MALRD1: variants seen among roughly 807,000 people sequenced by gnomAD.
The protein encoded by MALRD1 is MAM and LDL-receptor class A domain-containing protein 1.
In MALRD1, 247 loss-of-function variants were observed where a neutral mutation model predicts 242.1. That is an observed-to-expected ratio of 1.02 (90% CI 0.92 to 1.13). MALRD1 has a LOEUF of 1.13. Among genes scored for constraint, MALRD1 ranks in the 50% most tolerant of loss-of-function variants. The pLI is 0.00. For missense variants in MALRD1, 2,989 were observed against 2,533.1 expected (o/e 1.18, Z -3.86); for synonymous variants, 995 against 866.6 (o/e 1.15, Z -2.60).
At chr10:19,083,606 T>C (rs1590404664) in intron 2 of MALRD1, among the ~76,000 whole-genome samples, 1 of 151,976 alleles carries the variant, frequency 6.6e-6, no homozygotes, top group Non-Finnish European at 1.5e-5. Flanking sequence ...GGCATTTTAA[T>C]TGTGGTCTTT....
chr10:19,059,512 G>C (rs1269901060), intron 1 of MALRD1, among the ~76,000 whole-genome samples: 1 of 151,802 alleles, frequency 6.6e-6, no homozygotes, highest in South Asian at 2.1e-4. Flanking sequence ...TCAACCTCCC[G>C]AGTAGCTGGG....
chr10:19,661,542 A>G lies in MALRD1; in HGVS notation c.6138-30740A>G, dbSNP rs1294467961. Reference sequence around the variant, plus strand: ...CAGAAAACTGTCACAAGGACAAAAAACCAAACGCTGCATGTTCTCACTCAT... The same window carrying G: ...CAGAAAACTGTCACAAGGACAAAAAGCCAAACGCTGCATGTTCTCACTCAT... On this transcript the variant is annotated intron_variant, in intron 36 of 39. Coordinates refer to ENST00000454679, the MANE Select transcript of MALRD1 (RefSeq NM_001142308.3). 2.0e-5 allele frequency among the ~76,000 whole-genome samples: 3 copies of G among 152,264 alleles called. No homozygotes were observed. The East Asian group carries it at 5.8e-4, about 29-fold the overall frequency.
At chr10:19,715,997 C>T (rs1834368324) in intron 38 of MALRD1, among the ~76,000 whole-genome samples, 3 of 152,146 alleles carry the variant, frequency 2.0e-5, no homozygotes, top group African/African-American at 4.8e-5. Flanking sequence ...CAACAGTAGG[C>T]CCACTTTCCA....
intron 36 of MALRD1, among the ~76,000 whole-genome samples, chr10:19,627,967 A>G (rs1210773529): frequency 1.3e-5 from 2 of 152,138 alleles, no homozygotes; most frequent in African/African-American, 4.8e-5. Context: ...ATTCAAAACA[A>G]AATTATGTAA....
chr10:19,498,362 C>T, intron 30 of MALRD1, 123 bp from the exon 31 acceptor site: 1 of 823,054 alleles, frequency 1.2e-6, no homozygotes, highest in Non-Finnish European at 1.9e-6. Context: ...TGTCTTGATG[C>T]TGTAAGTGTA....
chr10:19,341,424 A>T (rs1462013709), intron 24 of MALRD1, among the ~76,000 whole-genome samples: 1 of 139,500 alleles, frequency 7.2e-6, no homozygotes, highest in Non-Finnish European at 1.5e-5. Context: ...AAAATAAGTA[A>T]AATAACACTA....
chr10:19,267,496 T>G (rs1840018859), intron 19 of MALRD1, among the ~76,000 whole-genome samples: 1 of 152,060 alleles, frequency 6.6e-6, no homozygotes, highest in Non-Finnish European at 1.5e-5. Flanking sequence ...TTAGCCTCAG[T>G]GTCTCACCAG....
At chr10:19,618,529 C>T (rs978405835) in intron 36 of MALRD1, among the ~76,000 whole-genome samples, 1 of 152,044 alleles carries the variant, frequency 6.6e-6, no homozygotes, top group African/African-American at 2.4e-5. Flanking sequence ...GCCATTTTGA[C>T]TGGTGTGAGA....
intron 36 of MALRD1, among the ~76,000 whole-genome samples, chr10:19,675,063 A>G (rs1842082285): frequency 6.6e-6 from 1 of 152,112 alleles, no homozygotes. Context: ...TATCTGCTGC[A>G]TTTCTACTCA....
chr10:19,369,484 A>G (rs1845271924), intron 26 of MALRD1, among the ~76,000 whole-genome samples: 2 of 148,462 alleles, frequency 1.3e-5, no homozygotes, highest in South Asian at 4.2e-4. Flanking sequence ...TATACTCTGG[A>G]TGGAAGTATC....
chr10:19,501,302 G>A (rs61395149), intron 31 of MALRD1, among the ~76,000 whole-genome samples: 14,048 of 152,124 alleles, frequency 0.092, 683 homozygotes, highest in South Asian at 0.11. Context: ...AGCACTTGAG[G>A]CCTCTGCCAA....
rs1485593284 is a variant in MALRD1, at chr10:19,693,428, A to G, written c.6314+874A>G. On this transcript the variant is annotated intron_variant, in intron 38 of 39. Transcript: ENST00000454679. ...AAATCACAAGCATTCTTATACACCA[A>G]TAACAGAAAAACAGAGAGCCAAATC... 2.0e-5 allele frequency among the ~76,000 whole-genome samples: 3 copies of G among 152,186 alleles called. 1 individual carries two copies. The highest frequency in any genetic ancestry group is 4.1e-4 in the South Asian group (2 of 4,830).
intron 33 of MALRD1, among the ~76,000 whole-genome samples, chr10:19,594,846 A>G (rs1199827797): frequency 6.6e-6 from 1 of 152,066 alleles, no homozygotes; most frequent in African/African-American, 2.4e-5. Flanking sequence ...AAGATTGGGC[A>G]TGTGGTGAGA....
At chr10:19,716,222 A>G (rs1834379315) in intron 38 of MALRD1, among the ~76,000 whole-genome samples, 1 of 152,160 alleles carries the variant, frequency 6.6e-6, no homozygotes, top group Non-Finnish European at 1.5e-5. Context: ...TATGGTTTGG[A>G]TCTGTGTCCC....
At chr10:19,343,903 A>T (rs1166078442) in intron 24 of MALRD1, among the ~76,000 whole-genome samples, 1 of 152,006 alleles carries the variant, frequency 6.6e-6, no homozygotes, top group Non-Finnish European at 1.5e-5. Context: ...CTTAATTTGC[A>T]CTTTCCCAAT....
At chr10:19,540,761 A>C (rs1201876955) in intron 32 of MALRD1, among the ~76,000 whole-genome samples, 1 of 152,172 alleles carries the variant, frequency 6.6e-6, no homozygotes, top group Non-Finnish European at 1.5e-5. Flanking sequence ...TTTCAATAGC[A>C]AAAAATATGC....
chr10:19,176,366 C>CCTTTTTTTTTTTTT (rs1484132630), intron 14 of MALRD1, among the ~76,000 whole-genome samples: 4 of 87,294 alleles, frequency 4.6e-5, no homozygotes, highest in African/African-American at 1.7e-4. Context: ...TTTCTGGGTG[C>CCTTTTTTTTTTTTT]TTTTTTTTTT....
At chr10:19,224,600 CT>C (rs1404604671) in intron 18 of MALRD1, among the ~76,000 whole-genome samples, 1 of 152,126 alleles carries the variant, frequency 6.6e-6, no homozygotes, top group Non-Finnish European at 1.5e-5. Flanking sequence ...CTATGATGAG[CT>C]TTTTTTCATA....
intron 14 of MALRD1, among the ~76,000 whole-genome samples, chr10:19,195,435 C>CTTTAAATCA (rs1218921093): frequency 6.6e-6 from 1 of 152,082 alleles, no homozygotes; most frequent in Non-Finnish European, 1.5e-5. Context: ...GCTTTAAATG[C>CTTTAAATCA]CGTTGATATG....
Sources: allele counts gnomAD v4.1 joint callset (sites outside exome capture counted in the v4.1 genomes callset), GRCh38; gene constraint gnomAD v4.1.1; transcripts MANE v1.5; gene names NCBI Gene and HGNC (gene_info 2026-07-23, HGNC 2026-07-21).